Variants in GRM8 observed in about 807,000 individuals in gnomAD.
The protein encoded by GRM8 is glutamate metabotropic receptor 8.
In GRM8, 47 loss-of-function variants were observed where a neutral mutation model predicts 87.2. The ratio of observed to expected loss-of-function variants is 0.54; its 90% CI spans 0.43 to 0.69. The LOEUF is 0.69. GRM8 is among the 30% of genes least tolerant of loss of function. The pLI is 0.00. For missense variants in GRM8, 1,019 were observed against 1,139.2 expected (o/e 0.89, Z 1.52); for synonymous variants, 396 against 404.5 (o/e 0.98, Z 0.25).
chr7:126,611,706 C>A (rs1798929569), intron 7 of GRM8, among the ~76,000 whole-genome samples: 2 of 152,084 alleles, frequency 1.3e-5, no homozygotes, highest in Non-Finnish European at 2.9e-5. Flanking sequence ...ACAGCAGTTC[C>A]CAATCTTTTT....
intron 7 of GRM8, among the ~76,000 whole-genome samples, chr7:126,753,956 A>G (rs940644187): frequency 6.6e-6 from 1 of 151,960 alleles, no homozygotes. Context: ...AGACTTTTCA[A>G]TCACGGTGAT....
At chr7:126,806,409 G>A (rs189842316) in intron 6 of GRM8, among the ~76,000 whole-genome samples, 5 of 152,348 alleles carry the variant, frequency 3.3e-5, no homozygotes, top group East Asian at 1.9e-4. Context: ...TGCAAAGAGC[G>A]AAAGAACAAA....
At chr7:126,557,384 A>G (rs971459406) in intron 8 of GRM8, among the ~76,000 whole-genome samples, 1 of 152,190 alleles carries the variant, frequency 6.6e-6, no homozygotes, top group Non-Finnish European at 1.5e-5. Context: ...CTCTTGGTCC[A>G]TCCTTACTGT....
At chr7:127,038,296 T>A (rs538296385) in intron 3 of GRM8, among the ~76,000 whole-genome samples, 3 of 152,182 alleles carry the variant, frequency 2.0e-5, no homozygotes, top group East Asian at 3.9e-4. Flanking sequence ...AAGAAAAATA[T>A]AAGACAATAC....
At chr7:126,693,219 T>C (rs1044363457) in intron 7 of GRM8, among the ~76,000 whole-genome samples, 10 of 152,306 alleles carry the variant, frequency 6.6e-5, no homozygotes, top group Admixed American at 2.0e-4. Flanking sequence ...TAGTGGGTAA[T>C]AGGCAGTGTT....
At chr7:127,057,799 T>G (rs1395512297) in intron 3 of GRM8, among the ~76,000 whole-genome samples, 1 of 150,294 alleles carries the variant, frequency 6.7e-6, no homozygotes, top group East Asian at 2.0e-4. Flanking sequence ...TAGCACCAGC[T>G]CATATCCCAC....
chr7:126,870,699 A>G (rs980493183), intron 6 of GRM8, among the ~76,000 whole-genome samples: 1 of 152,226 alleles, frequency 6.6e-6, no homozygotes, highest in Admixed American at 6.5e-5. Flanking sequence ...AACAATTACA[A>G]CAGTAACATC....
At position 126,468,504 on chromosome 7, in the gene GRM8, A is replaced by G. The variant is rs568833511; in HGVS notation, c.2431-22132T>C. Among the ~76,000 whole-genome samples, 9 of 152,160 alleles carry G rather than the reference A, an allele frequency of 5.9e-5. No homozygotes were observed. In the East Asian group the frequency reaches 1.2e-3, roughly 20 times the overall value. On this transcript the variant is annotated intron_variant, in intron 9 of 10. Transcript: ENST00000339582. ...CTTTTTCAAGCCTATTTCTTCTCTTACCCACATCAACAATTCTTCAATCCT... is the reference window on the plus strand; with the variant it reads ...CTTTTTCAAGCCTATTTCTTCTCTTGCCCACATCAACAATTCTTCAATCCT...
At chr7:127,060,963 A>C (rs1391951664) in intron 3 of GRM8, among the ~76,000 whole-genome samples, 1 of 152,182 alleles carries the variant, frequency 6.6e-6, no homozygotes, top group African/African-American at 2.4e-5. Context: ...GTGTCCAGTT[A>C]TATAGTGATA....
intron 9 of GRM8, among the ~76,000 whole-genome samples, chr7:126,458,708 A>C (rs1387541895): frequency 6.6e-6 from 1 of 151,270 alleles, no homozygotes; most frequent in East Asian, 1.9e-4. Context: ...ACAAAAATAA[A>C]ATTTTCATAA....
Position 126,793,175 on chromosome 7 carries a change from C to G in GRM8, c.1157-23110G>C, listed in dbSNP as rs567493088. ...CTTCATTATGTGTCTTCTTTTTCTACTTGTGATAAAGTCTCCTCTTTTTCT... is the reference window on the plus strand; with the variant it reads ...CTTCATTATGTGTCTTCTTTTTCTAGTTGTGATAAAGTCTCCTCTTTTTCT... On this transcript the variant is annotated intron_variant, in intron 6 of 10. Transcript: ENST00000339582. Among the ~76,000 whole-genome samples, 6 of 152,234 alleles carry G rather than the reference C, an allele frequency of 3.9e-5. No homozygotes were observed. In the South Asian group the frequency reaches 1.2e-3, roughly 32 times the overall value.
At chr7:126,961,940 C>G (rs961283735) in intron 3 of GRM8, among the ~76,000 whole-genome samples, 1 of 152,168 alleles carries the variant, frequency 6.6e-6, no homozygotes, top group Non-Finnish European at 1.5e-5. Flanking sequence ...CCTCCAATGG[C>G]TCCAACTAGA....
intron 6 of GRM8, among the ~76,000 whole-genome samples, chr7:126,828,591 ATTC>A (rs1254025800): frequency 6.6e-6 from 1 of 151,678 alleles, no homozygotes; most frequent in African/African-American, 2.4e-5. Context: ...CATCTATTTG[ATTC>A]TTCTTTTTTT....
At chr7:127,089,166 C>G (rs1823810127) in intron 3 of GRM8, among the ~76,000 whole-genome samples, 1 of 152,096 alleles carries the variant, frequency 6.6e-6, no homozygotes, top group South Asian at 2.1e-4. Context: ...TTATAAGAGA[C>G]AGAAAAGGAG....
chr7:126,958,055 G>A (rs935811659), intron 3 of GRM8, among the ~76,000 whole-genome samples: 5 of 152,262 alleles, frequency 3.3e-5, no homozygotes, highest in Admixed American at 6.5e-5. Flanking sequence ...CACCTACTTG[G>A]TGTCTCGGGT....
chr7:127,250,918 C>T (rs1798828249), intron 1 of GRM8: 1 of 152,094 alleles, frequency 6.6e-6, no homozygotes, highest in Non-Finnish European at 1.5e-5. Flanking sequence ...TGCTTTTCTC[C>T]CGTTCATGAT....
chr7:127,023,566 A>G (rs1239313131), intron 3 of GRM8, among the ~76,000 whole-genome samples: 1 of 152,144 alleles, frequency 6.6e-6, no homozygotes, highest in Non-Finnish European at 1.5e-5. Flanking sequence ...ACAGCTAGTC[A>G]TATTCTAAAA....
Position 127,252,483 on chromosome 7 carries a change from G to T in GRM8, c.-312+314C>A, listed in dbSNP as rs73231278. 0.047 allele frequency: 7,158 copies of T among 152,426 alleles called. 246 individuals are homozygous for T. Among genetic ancestry groups the T allele is most frequent in the South Asian group, 0.074 (356 of 4,808 alleles). The allele number at this position is 152,426 out of a possible 1,614,324, so 9.4% of individuals were successfully genotyped here. On this transcript the variant is annotated intron_variant, in intron 1 of 10. Coordinates refer to ENST00000339582, the MANE Select transcript of GRM8 (RefSeq NM_000845.3). This position sits in a 1 kb window ranked among gnomAD's most constrained non-coding sequence, Gnocchi z 4.9. ...TGCCCGGCCAGCCCCTCGCCCCCTG[G>T]TGCCCACTCTCCTTCTCCCCCCATT...
intron 8 of GRM8, among the ~76,000 whole-genome samples, chr7:126,557,262 T>TAA (rs1394868499): frequency 3.3e-5 from 5 of 152,164 alleles, no homozygotes; most frequent in Non-Finnish European, 1.5e-5. Flanking sequence ...GGTATTAGGG[T>TAA]AAGACTGGAT....
Sources: allele counts gnomAD v4.1 joint callset (sites outside exome capture counted in the v4.1 genomes callset), GRCh38; gene constraint gnomAD v4.1.1; non-coding constraint Gnocchi (gnomAD v3.1); transcripts MANE v1.5; gene names NCBI Gene and HGNC (gene_info 2026-07-23, HGNC 2026-07-21).